The following PDE4D variants were observed in gnomAD, a reference collection of about 807,000 sequenced individuals.
PDE4D encodes 3',5'-cyclic-AMP phosphodiesterase 4D.
In PDE4D, 24 loss-of-function variants were observed where a neutral mutation model predicts 87.4. That is an observed-to-expected ratio of 0.27 (90% CI 0.20 to 0.39). PDE4D has a LOEUF of 0.39. PDE4D is among the 10% of genes least tolerant of loss of function. The pLI is 1.00. For missense variants in PDE4D, 714 were observed against 1,041.0 expected (o/e 0.69, Z 4.32); for synonymous variants, 384 against 383.2 (o/e 1.00, Z -0.02).
intron 2 of PDE4D, among the ~76,000 whole-genome samples, chr5:59,209,698 T>C (rs1749664913): frequency 6.6e-6 from 1 of 152,250 alleles, no homozygotes; most frequent in Admixed American, 6.5e-5. Flanking sequence ...ACTATGTCAA[T>C]TTCTCATTTT....
intron 1 of PDE4D, among the ~76,000 whole-genome samples, chr5:59,405,891 C>T (rs190940333): frequency 2.0e-5 from 3 of 152,252 alleles, no homozygotes; most frequent in East Asian, 3.9e-4. Context: ...CACTTGGTCA[C>T]GATGACTAAT....
chr5:59,849,256 ATTAT>A (rs1744325368), intron 1 of PDE4D, among the ~76,000 whole-genome samples: 1 of 152,058 alleles, frequency 6.6e-6, no homozygotes, highest in African/African-American at 2.4e-5. Context: ...GAAAAAAATC[ATTAT>A]TTAATAGAGA....
rs191868150 is a variant in PDE4D at position 60,109,778 on chromosome 5, G to A, written c.42+75779C>T. Among the ~76,000 whole-genome samples the A allele has an allele frequency of 9.2e-4, 139 of 151,212 alleles. 3 individuals are homozygous for A. In the East Asian group the frequency reaches 0.02, roughly 21 times the overall value. ...TCGCAAGGACAAAAAACCAAACACC[G>A]CATATTCTCACTCATAGGTGGGAAC... On this transcript the variant is annotated intron_variant, in intron 2 of 16. Transcript: ENST00000502484.
chr5:59,513,635 A>AG (rs1182392546), intron 1 of PDE4D, among the ~76,000 whole-genome samples: 1 of 152,190 alleles, frequency 6.6e-6, no homozygotes, highest in Non-Finnish European at 1.5e-5. Flanking sequence ...TACGTAGCAT[A>AG]GAAAAAAAAA....
chr5:60,256,028 A>G (rs948628424), intron 1 of PDE4D, among the ~76,000 whole-genome samples: 1 of 151,906 alleles, frequency 6.6e-6, no homozygotes, highest in Admixed American at 6.6e-5. Flanking sequence ...CAATTTCAGT[A>G]TTGCATTTGG....
chr5:60,428,655 T>C (rs1322010413), intron 1 of PDE4D, among the ~76,000 whole-genome samples: 2 of 152,208 alleles, frequency 1.3e-5, no homozygotes, highest in African/African-American at 2.4e-5. Context: ...TCACAAATAG[T>C]ATTTACTTCT....
At chr5:59,768,280 G>C in intron 1 of PDE4D, 1 of 1,598,266 alleles carries the variant, frequency 6.3e-7, no homozygotes, top group Non-Finnish European at 8.5e-7. Context: ...CCGCTGTTTG[G>C]GGATGTTGCT....
chr5:59,735,017 G>GGTTTTTAT (rs1235404390), intron 1 of PDE4D, among the ~76,000 whole-genome samples: 1 of 152,024 alleles, frequency 6.6e-6, no homozygotes, highest in African/African-American at 2.4e-5. Context: ...CCTATATTGA[G>GGTTTTTAT]GTTTTATGTT....
At chr5:59,760,549 C>A (rs1302313475) in intron 1 of PDE4D, among the ~76,000 whole-genome samples, 1 of 152,106 alleles carries the variant, frequency 6.6e-6, no homozygotes, top group Non-Finnish European at 1.5e-5. Context: ...TTCAGTGCAT[C>A]GAGCACAGTA....
chr5:60,474,609 G>T (rs1583880537), intron 1 of PDE4D, among the ~76,000 whole-genome samples: 1 of 152,108 alleles, frequency 6.6e-6, no homozygotes, highest in Admixed American at 6.5e-5. Flanking sequence ...TTTAAAAAAC[G>T]TGTGCTGCCA....
intron 1 of PDE4D, among the ~76,000 whole-genome samples, chr5:60,336,854 C>T (rs547520281): frequency 4.6e-5 from 7 of 152,276 alleles, no homozygotes; most frequent in Admixed American, 2.6e-4. Flanking sequence ...TGCCCAATTA[C>T]ACTGAATTTT....
intron 1 of PDE4D, among the ~76,000 whole-genome samples, chr5:59,563,586 CACA>C (rs1820411107): frequency 6.6e-6 from 1 of 152,196 alleles, no homozygotes; most frequent in Admixed American, 6.5e-5. Flanking sequence ...ATTCCATCTT[CACA>C]ACAACACTCT....
chr5:60,295,511 C>T (rs1241868007), intron 1 of PDE4D, among the ~76,000 whole-genome samples: 1 of 152,186 alleles, frequency 6.6e-6, no homozygotes, highest in Non-Finnish European at 1.5e-5. Flanking sequence ...AATATTCCTA[C>T]AGATGACTCC....
At chr5:59,219,345 T>A (rs1368861380) in intron 1 of PDE4D, among the ~76,000 whole-genome samples, 1 of 152,146 alleles carries the variant, frequency 6.6e-6, no homozygotes, top group African/African-American at 2.4e-5. Context: ...CCACAAGTAT[T>A]CTCAGAATAC....
chr5:59,094,463 A>G lies in PDE4D; in HGVS notation c.809-55492T>C, dbSNP rs1318950405. 2.0e-5 allele frequency among the ~76,000 whole-genome samples: 3 copies of G among 152,218 alleles called. No homozygotes were observed. The East Asian group carries it at 5.8e-4, about 29-fold the overall frequency. On this transcript the variant is annotated intron_variant, in intron 5 of 14. Transcript: ENST00000340635. ...AAGGAAGAAAGAACAGAGAAAATAG[A>G]GGGCATAAAATTATCAATGAATAAG...
At chr5:60,385,166 C>A (rs935704985) in intron 1 of PDE4D, among the ~76,000 whole-genome samples, 3 of 152,114 alleles carry the variant, frequency 2.0e-5, no homozygotes, top group Admixed American at 6.5e-5. Flanking sequence ...AGAGCCTGAG[C>A]TAAGAATTTA....
chr5:59,982,333 C>T (rs1762006077), intron 3 of PDE4D, among the ~76,000 whole-genome samples: 1 of 152,082 alleles, frequency 6.6e-6, no homozygotes, highest in South Asian at 2.1e-4. Context: ...GCTCTTGGCT[C>T]TCATTTTATT....
chr5:60,415,650 G>A (rs1008072453), intron 1 of PDE4D, among the ~76,000 whole-genome samples: 40 of 152,344 alleles, frequency 2.6e-4, no homozygotes, highest in African/African-American at 8.2e-4. Context: ...GCCTCCCCAC[G>A]GGGCAGGGCT....
At chr5:59,726,691 C>A (rs766435464) in intron 1 of PDE4D, among the ~76,000 whole-genome samples, 1 of 151,988 alleles carries the variant, frequency 6.6e-6, no homozygotes, top group African/African-American at 2.4e-5. Flanking sequence ...AACGTAATAT[C>A]GTTTTAGTTA....
Sources: gnomAD v4.1 joint callset for allele counts (sites outside exome capture counted in the v4.1 genomes callset) on GRCh38, gnomAD v4.1.1 for gene constraint, MANE v1.5 for transcripts, NCBI Gene and HGNC (gene_info 2026-07-23, HGNC 2026-07-21) for gene names.